The following MYO1D variants were observed in gnomAD, a reference collection of about 807,000 sequenced individuals.
The protein encoded by MYO1D is myosin ID.
Under a neutral mutation model 122.0 loss-of-function variants are expected in MYO1D, and 83 were observed. The observed-to-expected ratio is 0.68, with a 90% CI of 0.57 to 0.82. The LOEUF is 0.82. Among genes scored for constraint, MYO1D ranks in the 40% least tolerant of loss-of-function variants. The pLI, the probability that MYO1D is intolerant of heterozygous loss-of-function variation, is 0.00. For synonymous variants in MYO1D, 464 were observed against 446.9 expected (o/e 1.04, Z -0.48); for missense variants, 1,157 against 1,269.5 (o/e 0.91, Z 1.35).
chr17:32,526,469 G>A (rs1910345885), intron 21 of MYO1D, among the ~76,000 whole-genome samples: 1 of 152,180 alleles, frequency 6.6e-6, no homozygotes, highest in Admixed American at 6.5e-5. Flanking sequence ...GTATGAAAAT[G>A]TGGCACTACA....
Position 32,643,767 on chromosome 17 carries a change from T to A in MYO1D, c.2596-4932A>T, listed in dbSNP as rs1419391436. On this transcript the variant is annotated intron_variant, in intron 19 of 21. Transcript: ENST00000318217. ...TATTTCTGTGGGATCGGTGGTGATA[T>A]CCCCTTTATCATTTTTTATTGTGTC... is the stretch of plus-strand genomic sequence containing the variant. Among the ~76,000 whole-genome samples, 16 of 151,594 alleles carry A rather than the reference T, an allele frequency of 1.1e-4. 1 individual carries two copies. In the East Asian group the frequency reaches 3.1e-3, roughly 29 times the overall value.
chr17:32,570,924 T>G (rs2087220384), intron 21 of MYO1D, among the ~76,000 whole-genome samples: 1 of 152,154 alleles, frequency 6.6e-6, no homozygotes, highest in South Asian at 2.1e-4. Context: ...ACATGTCTGT[T>G]GTCGGGAATA....
intron 16 of MYO1D, among the ~76,000 whole-genome samples, chr17:32,710,677 C>T (rs894241853): frequency 1.3e-5 from 2 of 152,118 alleles, no homozygotes; most frequent in Admixed American, 6.6e-5. Context: ...GAATATATAA[C>T]ATCTAAAGTA....
chr17:32,740,893 C>G (rs1157792574), intron 13 of MYO1D, among the ~76,000 whole-genome samples: 1 of 152,120 alleles, frequency 6.6e-6, no homozygotes, highest in Non-Finnish European at 1.5e-5. Context: ...TCTCATCTGG[C>G]TAACAAGACA....
chr17:32,716,369 A>G (rs1298360023), intron 15 of MYO1D, among the ~76,000 whole-genome samples: 1 of 152,144 alleles, frequency 6.6e-6, no homozygotes, highest in Non-Finnish European at 1.5e-5. Context: ...TTGTGGGTTT[A>G]TCTGCTTAAT....
chr17:32,708,028 C>G (rs1449702893), intron 16 of MYO1D, among the ~76,000 whole-genome samples: 1 of 152,156 alleles, frequency 6.6e-6, no homozygotes, highest in Non-Finnish European at 1.5e-5. Flanking sequence ...TTGCTTTGAT[C>G]CTCTCGCTGT....
intron 10 of MYO1D, chr17:32,756,356 A>G (rs757882207): frequency 4.6e-6 from 1 of 215,820 alleles, no homozygotes; most frequent in Admixed American, 5.9e-5. Flanking sequence ...ATACTAAAAA[A>G]TTTCAGTCTT....
intron 21 of MYO1D, among the ~76,000 whole-genome samples, chr17:32,521,335 C>T (rs1452394172): frequency 1.3e-5 from 2 of 152,134 alleles, no homozygotes; most frequent in Admixed American, 6.5e-5. Flanking sequence ...TCTCTCATAG[C>T]ACTCATGAGT....
chr17:32,874,475 T>A (rs548057924), intron 1 of MYO1D, among the ~76,000 whole-genome samples: 1 of 152,310 alleles, frequency 6.6e-6, no homozygotes, highest in African/African-American at 2.4e-5. Context: ...CCTGATGTTG[T>A]TTTCTTGAAC....
intron 21 of MYO1D, among the ~76,000 whole-genome samples, chr17:32,506,246 T>A (rs773832929): frequency 6.6e-6 from 1 of 152,128 alleles, no homozygotes; most frequent in Non-Finnish European, 1.5e-5. Flanking sequence ...CAAACCCAAA[T>A]ACACATTCAC....
intron 16 of MYO1D, among the ~76,000 whole-genome samples, chr17:32,683,969 G>T (rs1381268514): frequency 1.3e-5 from 2 of 152,134 alleles, no homozygotes; most frequent in African/African-American, 4.8e-5. Flanking sequence ...TTTTAAGCCG[G>T]CCTGAAAAGC....
chr17:32,631,516 G>A (rs534637590), intron 20 of MYO1D, among the ~76,000 whole-genome samples: 19 of 152,014 alleles, frequency 1.2e-4, no homozygotes, highest in Non-Finnish European at 2.8e-4. Flanking sequence ...GAGTAGTGGC[G>A]TGCATCTGCA....
chr17:32,521,981 C>G (rs1910155770), intron 21 of MYO1D, among the ~76,000 whole-genome samples: 1 of 146,484 alleles, frequency 6.8e-6, no homozygotes, highest in South Asian at 2.2e-4. Flanking sequence ...ACTCAGGAGG[C>G]TGAGGCAGGA....
chr17:32,634,240 T>C (rs1323924299), intron 20 of MYO1D, among the ~76,000 whole-genome samples: 1 of 152,218 alleles, frequency 6.6e-6, no homozygotes, highest in Non-Finnish European at 1.5e-5. Context: ...CTTAAGTCTC[T>C]GTTCATTACA....
intron 20 of MYO1D, among the ~76,000 whole-genome samples, chr17:32,625,430 A>T (rs1225334533): frequency 2.0e-5 from 3 of 152,198 alleles, no homozygotes; most frequent in Non-Finnish European, 4.4e-5. Context: ...TCATCTATAA[A>T]ATGAGACTTC....
intron 15 of MYO1D, among the ~76,000 whole-genome samples, chr17:32,716,832 G>A (rs2089454343): frequency 6.6e-6 from 1 of 152,198 alleles, no homozygotes; most frequent in African/African-American, 2.4e-5. Flanking sequence ...TGGTTCTCTG[G>A]CAAACCAGCA....
chr17:32,659,509 G>A (rs1296155631), intron 16 of MYO1D, 171 bp from the exon 17 acceptor site: 12 of 625,426 alleles, frequency 1.9e-5, no homozygotes, highest in Admixed American at 2.8e-5. Context: ...AACAGATGGC[G>A]TGGGGAGTCA....
At chr17:32,850,892 C>T (rs1053012906) in intron 1 of MYO1D, among the ~76,000 whole-genome samples, 1 of 151,590 alleles carries the variant, frequency 6.6e-6, no homozygotes, top group Non-Finnish European at 1.5e-5. Context: ...CTCCCTGTAC[C>T]TACTTTAAAT....
intron 20 of MYO1D, among the ~76,000 whole-genome samples, chr17:32,612,764 A>G (rs2087719455): frequency 6.6e-6 from 1 of 151,686 alleles, no homozygotes; most frequent in Non-Finnish European, 1.5e-5. Context: ...ATTTCATATT[A>G]ATGAAATGCA....
Sources: allele counts gnomAD v4.1 joint callset (sites outside exome capture counted in the v4.1 genomes callset), GRCh38; gene constraint gnomAD v4.1.1; transcripts MANE v1.5; gene names NCBI Gene and HGNC (gene_info 2026-07-23, HGNC 2026-07-21).